The following RNF20 variants were observed in gnomAD, a reference collection of about 807,000 sequenced individuals.
RNF20 encodes the protein ring finger protein 20, also known as E3 ubiquitin-protein ligase BRE1A.
RNF20 carries 84 observed loss-of-function variants against 126.2 expected under a neutral mutation model. That is an observed-to-expected ratio of 0.67 (90% CI 0.56 to 0.80). The LOEUF (loss-of-function observed/expected upper bound fraction) is 0.80. RNF20 is among the 30% of genes least tolerant of loss of function. The pLI is 0.00. For missense variants in RNF20, 869 were observed against 1,188.2 expected, an observed-to-expected ratio of 0.73 and a Z score of 3.95; for synonymous variants, 400 against 414.3, an observed-to-expected ratio of 0.97 and a Z score of 0.42.
chr9:101,550,166 T>A (rs1157298328), intron 9 of RNF20, among the ~76,000 whole-genome samples: 2 of 152,196 alleles, frequency 1.3e-5, no homozygotes, highest in Non-Finnish European at 2.9e-5. Context: ...CTAAGTTAAA[T>A]CAGTTAAAAG....
At chr9:101,542,414 A>G (rs1406679227) in intron 5 of RNF20, among the ~76,000 whole-genome samples, 8 of 152,240 alleles carry the variant, frequency 5.3e-5, no homozygotes. Flanking sequence ...TTGTATTAAT[A>G]TCTTACATCT....
rs776331152 is a variant in RNF20 at position 101,540,480 on chromosome 9, C to G, written c.298-10C>G. 7 of 1,613,370 alleles carry G rather than the reference C, an allele frequency of 4.3e-6. No individual in the cohort carries two copies. Among genetic ancestry groups the G allele is most frequent in the Non-Finnish European group, 8.5e-7 (1 of 1,179,598 alleles). ...TTTGTTTCTTCATAATTGTACCTAC[C>G]CTTCTCCAGTTTGATGAAAACATCC... On this transcript the variant is annotated splice_polypyrimidine_tract_variant and intron_variant, in intron 3 of 19. Transcript: ENST00000389120.
chr9:101,543,338 A>T (rs1827287253), intron 5 of RNF20, among the ~76,000 whole-genome samples: 1 of 147,242 alleles, frequency 6.8e-6, no homozygotes, highest in Non-Finnish European at 1.5e-5. Flanking sequence ...GCACTGTCTA[A>T]CCCTTCCAGG....
chr9:101,559,946 G>T (rs1239753280), intron 16 of RNF20, among the ~76,000 whole-genome samples: 1 of 152,166 alleles, frequency 6.6e-6, no homozygotes, highest in Non-Finnish European at 1.5e-5. Flanking sequence ...ATGTTGAATG[G>T]AAGTGGTGAG....
At chr9:101,549,932 A>G (rs1827415702) in intron 9 of RNF20, among the ~76,000 whole-genome samples, 1 of 152,212 alleles carries the variant, frequency 6.6e-6, no homozygotes, top group Admixed American at 6.5e-5. Flanking sequence ...ATCTGGCATA[A>G]CTATTCTTGT....
In RNF20 at chr9:101,540,897, G is replaced by A; in HGVS notation, c.550G>A (p.Ala184Thr). The A allele has an allele frequency of 6.2e-7, 1 of 1,613,994 alleles. No individual in the cohort carries two copies. Among genetic ancestry groups the A allele is most frequent in the Non-Finnish European group, 8.5e-7 (1 of 1,180,012 alleles). The change falls in exon 5 of 20, where the codon GCC (alanine) becomes ACC (threonine). Residue 184 changes from alanine to threonine, a missense_variant. Ala to Thr is a moderately conservative substitution (Grantham distance 58, BLOSUM62 0). Transcript: ENST00000389120. ...GGAACGTGTGGAGTCTTCCCGCCGAGCCGTGTCCCAGATTGTGACTGTTTA... is the reference window on the plus strand; with the variant it reads ...GGAACGTGTGGAGTCTTCCCGCCGAACCGTGTCCCAGATTGTGACTGTTTA... ...LQERVESSRRAVSQIVTVYDK... is the reference protein window; with the variant it reads ...LQERVESSRRTVSQIVTVYDK...
chr9:101,544,718 A>C, intron 5 of RNF20, 49 bp from the exon 6 acceptor site: 4 of 1,345,958 alleles, frequency 3.0e-6, no homozygotes, highest in Non-Finnish European at 4.2e-6. Flanking sequence ...AAAAAAAAAA[A>C]AAAATGACAC....
intron 16 of RNF20, among the ~76,000 whole-genome samples, chr9:101,557,821 C>G (rs1341046679): frequency 6.6e-6 from 1 of 152,026 alleles, no homozygotes; most frequent in Non-Finnish European, 1.5e-5. Context: ...AATATGGAAA[C>G]ATGTCTGAAA....
intron 5 of RNF20, among the ~76,000 whole-genome samples, chr9:101,542,399 T>C (rs1827274106): frequency 2.0e-5 from 3 of 152,366 alleles, no homozygotes; most frequent in South Asian, 4.1e-4. Flanking sequence ...CAGACTTTTG[T>C]ACTTTTGTAT....
intron 5 of RNF20, among the ~76,000 whole-genome samples, chr9:101,541,850 T>C (rs1023323216): frequency 2.0e-5 from 3 of 152,190 alleles, no homozygotes; most frequent in African/African-American, 7.2e-5. Flanking sequence ...AAAATAATTA[T>C]TTGGGATAAT....
At position 101,535,389 on chromosome 9, in the gene RNF20, T is replaced by G; in HGVS notation, c.-26-9T>G. On this transcript the variant is annotated splice_polypyrimidine_tract_variant and intron_variant, in intron 1 of 19. Coordinates refer to ENST00000389120, the MANE Select transcript of RNF20 (RefSeq NM_019592.7). ...ATATTATGTCAGTTTCTGCCTTTTTTTCTATCAGGAAAACGACTGTCTTCT... is the reference window on the plus strand; with the variant it reads ...ATATTATGTCAGTTTCTGCCTTTTTGTCTATCAGGAAAACGACTGTCTTCT... 6.2e-7 allele frequency: 1 copy of G among 1,601,848 alleles called. No homozygotes were observed. Among genetic ancestry groups the G allele is most frequent in the Non-Finnish European group, 8.5e-7 (1 of 1,176,074 alleles).
chr9:101,541,432 G>A (rs1564107449), intron 5 of RNF20, among the ~76,000 whole-genome samples: 1 of 152,138 alleles, frequency 6.6e-6, no homozygotes, highest in Non-Finnish European at 1.5e-5. Context: ...TCTTCATTAT[G>A]GCATATTAAT....
chr9:101,555,604 G>T (rs995969587), intron 15 of RNF20, among the ~76,000 whole-genome samples: 10 of 152,042 alleles, frequency 6.6e-5, no homozygotes, highest in African/African-American at 2.4e-4. Flanking sequence ...TGATCATGAA[G>T]TGCCTTGAAA....
Position 101,547,192 on chromosome 9 carries a change from C to T in RNF20, c.950C>T (p.Thr317Ile), listed in dbSNP as rs756614075. ...YGAGSSLYGG[T>I]ITINARKFEE... ...GCGGGGAGCAGTCTGTATGGCGGCA[C>T]AATCACTATCAATGCTCGGAAGGTA... Residue 317 changes from threonine to isoleucine, a missense_variant, in exon 8 of 20, where the codon ACA becomes ATA. Coordinates refer to ENST00000389120, the MANE Select transcript of RNF20 (RefSeq NM_019592.7). The T allele has an allele frequency of 1.9e-6, 3 of 1,614,064 alleles. No homozygotes were observed. The highest frequency in any genetic ancestry group is 2.5e-6 in the Non-Finnish European group (3 of 1,179,968).
chr9:101,543,639 G>A (rs532864317), intron 5 of RNF20, among the ~76,000 whole-genome samples: 8 of 152,394 alleles, frequency 5.2e-5, no homozygotes, highest in Non-Finnish European at 8.8e-5. Flanking sequence ...GGGCAGTACT[G>A]TCTGTTTGTT....
intron 3 of RNF20, 42 bp from the exon 4 acceptor site, chr9:101,540,448 T>A (rs1827242842): frequency 6.2e-7 from 1 of 1,611,316 alleles, no homozygotes. Flanking sequence ...TTTCCAAAGT[T>A]GTGTCCTTTG....
intron 2 of RNF20, among the ~76,000 whole-genome samples, chr9:101,537,092 C>A (rs1320605537): frequency 2.0e-5 from 3 of 152,164 alleles, no homozygotes; most frequent in Admixed American, 1.3e-4. Context: ...AACTGAGTCT[C>A]CAAAGTGTGC....
At chr9:101,545,284 C>A (rs1827330841) in intron 6 of RNF20, among the ~76,000 whole-genome samples, 2 of 152,146 alleles carry the variant, frequency 1.3e-5, no homozygotes, top group Admixed American at 1.3e-4. Flanking sequence ...AATGACTTTT[C>A]TGATACTTCT....
Position 101,552,557 on chromosome 9 carries a change from C to T in RNF20, c.1705C>T (p.Arg569Ter), listed in dbSNP as rs535787053. ...CAAGTCTAAACGGGATGAAGAAGAA[C>T]GAGAACGAGAAAGGAGGGAGAAGGA... ...EIKSKRDEEE[R>*]ERERREKERE... The change falls in exon 13 of 20, where the codon CGA (arginine) becomes TGA (stop). Residue 569 changes from arginine (R) to a stop codon, truncating the protein, a stop_gained. Transcript: ENST00000389120. LOFTEE classifies it high-confidence loss of function. 22 of 1,611,418 alleles carry T rather than the reference C, an allele frequency of 1.4e-5. No homozygotes were observed. The highest frequency in any genetic ancestry group is 1.1e-4 in the African/African-American group (8 of 74,600).
Sources: allele counts gnomAD v4.1 joint callset (sites outside exome capture counted in the v4.1 genomes callset), GRCh38; gene constraint gnomAD v4.1.1; transcripts MANE v1.5; gene names NCBI Gene and HGNC (gene_info 2026-07-23, HGNC 2026-07-21).